RABGAP1L: variants seen among roughly 807,000 people sequenced by gnomAD.
The protein encoded by RABGAP1L is rab GTPase-activating protein 1-like.
A neutral mutation model predicts 137.7 loss-of-function variants in RABGAP1L; 63 were observed. The ratio of observed to expected loss-of-function variants is 0.46; its 90% confidence interval spans 0.37 to 0.56. RABGAP1L has a LOEUF of 0.56. Among genes scored for constraint, RABGAP1L ranks in the 20% least tolerant of loss-of-function variants. The pLI, the probability that RABGAP1L is intolerant of heterozygous loss-of-function variation, is 0.00. For missense variants in RABGAP1L, 1,095 were observed against 1,244.0 expected, an observed-to-expected ratio of 0.88 and a Z score of 1.80; for synonymous variants, 431 against 433.7, an observed-to-expected ratio of 0.99 and a Z score of 0.08.
intron 14 of RABGAP1L, among the ~76,000 whole-genome samples, chr1:174,669,793 G>A (rs1677046657): frequency 6.6e-6 from 1 of 152,148 alleles, no homozygotes; most frequent in Non-Finnish European, 1.5e-5. Context: ...GGCTGTAAAT[G>A]TGTGAATTTA....
chr1:174,597,401 G>T (rs955223675), intron 13 of RABGAP1L, among the ~76,000 whole-genome samples: 4 of 152,138 alleles, frequency 2.6e-5, no homozygotes, highest in African/African-American at 9.6e-5. Flanking sequence ...ACTTGTTAAG[G>T]GTCTATTCGA....
intron 19 of RABGAP1L, among the ~76,000 whole-genome samples, chr1:174,956,351 C>A (rs1249901344): frequency 6.6e-6 from 1 of 152,130 alleles, no homozygotes; most frequent in African/African-American, 2.4e-5. Flanking sequence ...ATGTGCACCA[C>A]TGTCCCCTAA....
intron 12 of RABGAP1L, among the ~76,000 whole-genome samples, chr1:174,393,121 T>C (rs1647353692): frequency 6.6e-6 from 1 of 152,192 alleles, no homozygotes; most frequent in Admixed American, 6.5e-5. Context: ...TTGCCTTTGT[T>C]CTGACGCTGC....
At chr1:174,190,301 CAAAAAAAAAAA>C (rs57629149) in intron 1 of RABGAP1L, among the ~76,000 whole-genome samples, 5 of 90,274 alleles carry the variant, frequency 5.5e-5, no homozygotes, top group African/African-American at 1.8e-4. Context: ...GACTCCGTTG[CAAAAAAAAAAA>C]AAAAAAAGAA....
chr1:174,697,329 T>TTC (rs954822055), intron 15 of RABGAP1L, among the ~76,000 whole-genome samples: 3 of 152,028 alleles, frequency 2.0e-5, no homozygotes, highest in Admixed American at 6.6e-5. Context: ...TCTTTTTTTT[T>TTC]TCTCTCTCTC....
intron 4 of RABGAP1L, among the ~76,000 whole-genome samples, chr1:174,232,156 T>C (rs1336628755): frequency 6.6e-6 from 1 of 152,194 alleles, no homozygotes; most frequent in Non-Finnish European, 1.5e-5. Context: ...AATGGCTTTT[T>C]CCTCTTATGC....
intron 11 of RABGAP1L, among the ~76,000 whole-genome samples, chr1:174,354,292 T>C (rs1285321931): frequency 6.6e-6 from 1 of 151,922 alleles, no homozygotes; most frequent in Non-Finnish European, 1.5e-5. Flanking sequence ...TAATTAATTT[T>C]TACCTTGCAG....
rs553642756 is a variant in RABGAP1L, at chr1:174,459,100, T to A, written c.1710+64955T>A. On this transcript the variant is annotated intron_variant, in intron 13 of 25. Coordinates refer to ENST00000681986, the MANE Select transcript of RABGAP1L (RefSeq NM_001366446.1). ...CTAAGATGTATTGCAGTGCTAGGAG[T>A]TTTATGTTTTTTGTCATTGTCAACT... Among the ~76,000 whole-genome samples the A allele has an allele frequency of 2.0e-5, 3 of 152,138 alleles. No homozygotes were observed. The South Asian group carries it at 6.2e-4, about 31-fold the overall frequency.
chr1:174,281,082 G>A (rs1038067078), intron 10 of RABGAP1L, among the ~76,000 whole-genome samples: 1 of 152,128 alleles, frequency 6.6e-6, no homozygotes, highest in South Asian at 2.1e-4. Context: ...GCAGACCTTC[G>A]CGGTGAGTGT....
intron 25 of RABGAP1L, 79 bp downstream of exon 25, chr1:174,988,917 CTATCTAGGTCAGAATTG>C: frequency 7.8e-7 from 1 of 1,277,938 alleles, no homozygotes; most frequent in Non-Finnish European, 1.0e-6. Context: ...CAGAATACAC[CTATCTAGGTCAGAATTG>C]TATGATGAAT....
intron 12 of RABGAP1L, among the ~76,000 whole-genome samples, chr1:174,380,498 C>T (rs1054831931): frequency 2.6e-5 from 4 of 151,690 alleles, no homozygotes; most frequent in South Asian, 2.1e-4. Flanking sequence ...GATTCAACTT[C>T]TTCCTGGTTT....
rs1669734368 is a variant in RABGAP1L at position 174,221,268 on chromosome 1, C to G, written c.331+104C>G. On this transcript the variant is annotated intron_variant, in intron 3 of 25. Transcript: ENST00000681986. ...AAATTGTTAGCTCTTCTCAAGCTTT[C>G]AGTTCTTGTTGAGAGTTTCCACTTC... 7.3e-6 allele frequency: 7 copies of G among 953,824 alleles called. No individual in the cohort carries two copies. In the South Asian group the frequency reaches 1.3e-4, roughly 17 times the overall value. The allele number at this position is 953,824 out of a possible 1,614,324, so 59.1% of individuals were successfully genotyped here.
At chr1:174,639,359 T>G (rs1674340480) in intron 14 of RABGAP1L, among the ~76,000 whole-genome samples, 1 of 152,110 alleles carries the variant, frequency 6.6e-6, no homozygotes, top group Non-Finnish European at 1.5e-5. Context: ...CAAAGACCAT[T>G]GGATGCCACA....
At chr1:174,220,392 C>T (rs1374228579) in intron 2 of RABGAP1L, among the ~76,000 whole-genome samples, 23 of 152,058 alleles carry the variant, frequency 1.5e-4, no homozygotes, top group Non-Finnish European at 2.9e-5. Flanking sequence ...AAGGGCCAGG[C>T]GTGGTGGCTC....
intron 19 of RABGAP1L, chr1:174,850,100 G>A (rs1398906107): frequency 2.0e-6 from 1 of 508,582 alleles, no homozygotes; most frequent in Non-Finnish European, 3.9e-6. Flanking sequence ...GCTTCATCTT[G>A]TTGATTTCCC....
intron 13 of RABGAP1L, among the ~76,000 whole-genome samples, chr1:174,458,298 C>G (rs182835065): frequency 6.6e-6 from 1 of 151,546 alleles, no homozygotes; most frequent in Admixed American, 6.6e-5. Flanking sequence ...TAAATATTTA[C>G]TTTACAGAAA....
chr1:174,176,796 AG>A (rs1665929178), intron 1 of RABGAP1L, among the ~76,000 whole-genome samples: 1 of 142,080 alleles, frequency 7.0e-6, no homozygotes, highest in African/African-American at 2.6e-5. Flanking sequence ...AAGTCTTCTA[AG>A]GGCTGGGCAT....
At chr1:174,580,383 G>A (rs895847976) in intron 13 of RABGAP1L, among the ~76,000 whole-genome samples, 7 of 152,110 alleles carry the variant, frequency 4.6e-5, no homozygotes, top group Non-Finnish European at 7.3e-5. Flanking sequence ...AAGCAACCCA[G>A]ATGTCCAACA....
chr1:174,648,039 CAGT>C (rs1168448768), intron 14 of RABGAP1L, among the ~76,000 whole-genome samples: 4 of 152,190 alleles, frequency 2.6e-5, no homozygotes, highest in Middle Eastern at 3.4e-3. Context: ...TCTGTGGAAT[CAGT>C]GGTGATATCC....
Sources: gnomAD v4.1 joint callset for allele counts (sites outside exome capture counted in the v4.1 genomes callset) on GRCh38, gnomAD v4.1.1 for gene constraint, MANE v1.5 for transcripts, NCBI Gene and HGNC (gene_info 2026-07-23, HGNC 2026-07-21) for gene names.